The following ATAD3C variants were observed in gnomAD, a reference collection of about 807,000 sequenced individuals.
ATAD3C encodes the protein ATPase family AAA domain containing 3C.
A neutral mutation model predicts 46.3 loss-of-function variants in ATAD3C; 38 were observed. The observed-to-expected ratio is 0.82, with a 90% confidence interval of 0.63 to 1.08. The LOEUF (loss-of-function observed/expected upper bound fraction) is 1.08, where lower values mean the gene tolerates loss of function less well. ATAD3C is among the 50% of genes least tolerant of loss of function. The pLI is 0.00. For missense variants in ATAD3C, 563 were observed against 572.7 expected, an observed-to-expected ratio of 0.98 and a Z score of 0.17; for synonymous variants, 220 against 236.4, an observed-to-expected ratio of 0.93 and a Z score of 0.63.
chr1:1,466,001 A>C (rs111262777), intron 11 of ATAD3C, among the ~76,000 whole-genome samples: 1,729 of 151,952 alleles, frequency 0.011, 53 homozygotes, highest in African/African-American at 0.04. Context: ...TTTTTATCAT[A>C]AAAGTGTGAG....
intron 11 of ATAD3C, among the ~76,000 whole-genome samples, chr1:1,466,132 C>G (rs1288844337): frequency 1.3e-5 from 2 of 150,936 alleles, no homozygotes; most frequent in Non-Finnish European, 1.5e-5. Flanking sequence ...ATCCCAGCTA[C>G]TTGGGAAGCT....
At chr1:1,460,360 C>T (rs1173104617) in intron 9 of ATAD3C, among the ~76,000 whole-genome samples, 1 of 152,162 alleles carries the variant, frequency 6.6e-6, no homozygotes, top group South Asian at 2.1e-4. Context: ...GGATTATAGG[C>T]GTGAGCCACT....
At chr1:1,463,637 G>A (rs150505938) in intron 11 of ATAD3C, among the ~76,000 whole-genome samples, 3,541 of 152,076 alleles carry the variant, frequency 0.023, 175 homozygotes, top group African/African-American at 0.08. Flanking sequence ...GCCGGGCATG[G>A]TGGTGGCTGA....
chr1:1,450,682 C>G lies in ATAD3C; in HGVS notation c.-2C>G. 6.2e-7 allele frequency: 1 copy of G among 1,611,910 alleles called. No individual in the cohort carries two copies. Among genetic ancestry groups the G allele is most frequent in the East Asian group, 2.2e-5 (1 of 44,854 alleles). Reference sequence around the variant, plus strand: ...CCCTCCGTGTCCCTGCATCTGCAGGCCATGTCAAAGGACGCCCTGAATCTG... The same window carrying G: ...CCCTCCGTGTCCCTGCATCTGCAGGGCATGTCAAAGGACGCCCTGAATCTG... On this transcript the variant is annotated 5_prime_UTR_variant, in exon 1 of 12. Transcript: ENST00000378785.
intron 11 of ATAD3C, among the ~76,000 whole-genome samples, chr1:1,463,458 G>A (rs148007535): frequency 3.3e-5 from 5 of 152,172 alleles, no homozygotes; most frequent in African/African-American, 4.8e-5. Flanking sequence ...TGATTTGAAC[G>A]TAGGAGCCGG....
In ATAD3C at chr1:1,450,076, C is replaced by G. The variant is rs971405626; in HGVS notation, c.-608C>G. 2.6e-5 allele frequency: 4 copies of G among 152,260 alleles called. No homozygotes were observed. Among genetic ancestry groups the G allele is most frequent in the African/African-American group, 9.7e-5 (4 of 41,406 alleles). 9.4% of individuals were successfully genotyped at this position (152,260 alleles called of 1,614,324 possible). On this transcript the variant is annotated 5_prime_UTR_variant, in exon 1 of 12. It adds an upstream start codon to the 5' untranslated region. Coordinates refer to ENST00000378785, the MANE Select transcript of ATAD3C (RefSeq NM_001039211.3). The stretch of plus-strand genomic sequence containing the variant: ...GGGCGCGGTGGCTCACACCTGTAAT[C>G]CCAGCACTTTGGGAGGCTGAGGTGG...
At position 1,454,326 on chromosome 1, in the gene ATAD3C, T is replaced by C. The variant is rs1266905777; in HGVS notation, c.223-19T>C. 3 of 1,593,334 alleles carry C rather than the reference T, an allele frequency of 1.9e-6. No homozygotes were observed. The highest frequency in any genetic ancestry group is 1.7e-6 in the Non-Finnish European group (2 of 1,171,846). Reference sequence around the variant, plus strand: ...GGGACGGTGGGGGCCGGTGCGCCAGTGCGGTGTCTCTGCTGCAGGTGGCTG... The same window carrying C: ...GGGACGGTGGGGGCCGGTGCGCCAGCGCGGTGTCTCTGCTGCAGGTGGCTG... On this transcript the variant is annotated intron_variant, in intron 3 of 11. Coordinates refer to ENST00000378785, the MANE Select transcript of ATAD3C (RefSeq NM_001039211.3).
intron 3 of ATAD3C, 35 bp downstream of exon 3, chr1:1,452,469 C>T: frequency 6.2e-7 from 1 of 1,613,176 alleles, no homozygotes; most frequent in Non-Finnish European, 8.5e-7. Context: ...TGGCAGGTGG[C>T]TGAGGGGCAG....
chr1:1,467,114 A>G (rs1639156575), intron 11 of ATAD3C, among the ~76,000 whole-genome samples: 1 of 151,956 alleles, frequency 6.6e-6, no homozygotes, highest in Admixed American at 6.6e-5. Context: ...CCCACCCGCG[A>G]CCAGGTTTTG....
chr1:1,459,273 T>C lies in ATAD3C; in HGVS notation c.812+42T>C, dbSNP rs34719940. The C allele has an allele frequency of 0.052, 83,745 of 1,611,348 alleles. 12,699 individuals are homozygous for C. Among genetic ancestry groups the C allele is most frequent in the East Asian group, 0.46 (20,808 of 44,802 alleles). On this transcript the variant is annotated intron_variant, in intron 9 of 11. Transcript: ENST00000378785. This position sits in a 1 kb window ranked among gnomAD's most constrained non-coding sequence, Gnocchi z 4.9. ...GGTCCTGGGCCCCCGGGCAGGGCTG[T>C]GCAGCCGTCACCCTTGGTTCCCACC... is the stretch of plus-strand genomic sequence containing the variant.
At chr1:1,464,082 C>T (rs1639110362) in intron 11 of ATAD3C, among the ~76,000 whole-genome samples, 1 of 151,298 alleles carries the variant, frequency 6.6e-6, no homozygotes, top group African/African-American at 2.4e-5. Context: ...TGGTGCATGC[C>T]TGTATTCTCA....
chr1:1,465,698 G>T (rs1639133471), intron 11 of ATAD3C, among the ~76,000 whole-genome samples: 3 of 150,240 alleles, frequency 2.0e-5, no homozygotes, highest in Non-Finnish European at 4.4e-5. Context: ...TCACAGGGTT[G>T]TTTTTTCCAA....
chr1:1,454,428 G>A lies in ATAD3C; in HGVS notation c.306G>A (p.Arg102=). ...TAVTGRYIEA[R]LGKPSLVRET... is the part of the protein sequence containing the mutation. ...TCACTGGCCGCTACATCGAGGCTCGGCTGGGGAAGCCGTCCCTAGTGAGGG... is the reference window on the plus strand; with the variant it reads ...TCACTGGCCGCTACATCGAGGCTCGACTGGGGAAGCCGTCCCTAGTGAGGG... Residue 102 remains arginine (R), a synonymous_variant, in exon 4 of 12, where the codon CGG becomes CGA. Transcript: ENST00000378785. 6.2e-7 allele frequency: 1 copy of A among 1,609,128 alleles called. No individual in the cohort carries two copies. Among genetic ancestry groups the A allele is most frequent in the Non-Finnish European group, 8.5e-7 (1 of 1,178,762 alleles).
In ATAD3C at chr1:1,462,125, G is replaced by A. The variant is rs1639078512; in HGVS notation, c.981-475G>A. ...GACAAAAGCTGCTCTGTTCCAAAGA[G>A]AGCCTGGTTCTCCCCTGCCGACCCC... On this transcript the variant is annotated intron_variant, in intron 10 of 11. Transcript: ENST00000378785. The surrounding 1 kb of genome is among the most constrained non-coding windows in gnomAD (Gnocchi z 4.5). 1.3e-5 allele frequency among the ~76,000 whole-genome samples: 2 copies of A among 152,012 alleles called. No homozygotes were observed. Among genetic ancestry groups the A allele is most frequent in the African/African-American group, 2.4e-5 (1 of 41,398 alleles).
intron 11 of ATAD3C, among the ~76,000 whole-genome samples, chr1:1,466,242 C>CAAA (rs1168198351): frequency 7.5e-5 from 5 of 67,084 alleles, no homozygotes; most frequent in East Asian, 8.5e-4. Context: ...ACTTCTGTCT[C>CAAA]AAAAAAAAAA....
chr1:1,461,487 C>G (rs1639063645), intron 10 of ATAD3C, among the ~76,000 whole-genome samples: 2 of 149,084 alleles, frequency 1.3e-5, no homozygotes, highest in Non-Finnish European at 2.9e-5. Flanking sequence ...TGTGCCCGGC[C>G]TCTTTTACGT....
rs375602704 is a variant in ATAD3C, at chr1:1,462,686, C to T, written c.1067C>T (p.Ala356Val). 2.6e-4 allele frequency: 412 copies of T among 1,604,680 alleles called. 4 individuals are homozygous for T. The highest frequency in any genetic ancestry group is 3.4e-4 in the Non-Finnish European group (398 of 1,176,184). The change falls in exon 11 of 12, where the codon GCA becomes GTA. Residue 356 changes from alanine to valine, a missense_variant. By Grantham distance (64) the Ala-to-Val change is moderately conservative (BLOSUM62 0). Transcript: ENST00000378785. The surrounding 1 kb of genome is among the most constrained non-coding windows in gnomAD (Gnocchi z 4.5). The part of the protein sequence containing the change: ...LTEGMSCRKI[A>V]QLAVSWQATA... Reference sequence around the variant, plus strand: ...GAGGGCATGTCATGCCGGAAGATCGCACAGCTGGCCGTGTCCTGGCAGGTG... The same window carrying T: ...GAGGGCATGTCATGCCGGAAGATCGTACAGCTGGCCGTGTCCTGGCAGGTG...
intron 1 of ATAD3C, among the ~76,000 whole-genome samples, chr1:1,451,028 T>A (rs34568062): frequency 0.19 from 28,980 of 151,574 alleles, 3,362 homozygotes; most frequent in East Asian, 0.38. Context: ...TCACCTCATT[T>A]CTTTGACTCA....
At chr1:1,464,850 T>G (rs1014785607) in intron 11 of ATAD3C, among the ~76,000 whole-genome samples, 2 of 152,034 alleles carry the variant, frequency 1.3e-5, no homozygotes, top group Non-Finnish European at 2.9e-5. Flanking sequence ...TTAGTCTCTA[T>G]GTTGCTTTGA....
Sources: gnomAD v4.1 joint callset for allele counts (sites outside exome capture counted in the v4.1 genomes callset) on GRCh38, gnomAD v4.1.1 for gene constraint, Gnocchi (gnomAD v3.1) non-coding constraint, MANE v1.5 for transcripts, NCBI Gene and HGNC (gene_info 2026-07-23, HGNC 2026-07-21) for gene names.